Variants in MASP1 observed in about 807,000 individuals in gnomAD.
MASP1 encodes MBL associated serine protease 1.
MASP1 carries 59 observed loss-of-function variants against 77.1 expected under a neutral mutation model. The observed-to-expected ratio is 0.77, with a 90% CI of 0.62 to 0.95. The LOEUF is 0.95. Ranked by LOEUF, MASP1 falls within the 40% of genes least tolerant of loss-of-function variation. The pLI is 0.00. For synonymous variants in MASP1, 362 were observed against 354.5 expected, an observed-to-expected ratio of 1.02 and a Z score of -0.24; for missense variants, 885 against 912.9, an observed-to-expected ratio of 0.97 and a Z score of 0.39.
intron 5 of MASP1, among the ~76,000 whole-genome samples, chr3:187,254,327 C>T (rs1714886524): frequency 6.6e-6 from 1 of 152,072 alleles, no homozygotes; most frequent in Non-Finnish European, 1.5e-5. Context: ...AGGCCTTTCT[C>T]TGAGGTAGCA....
Position 187,285,774 on chromosome 3 carries a change from C to T in MASP1, c.237+51G>A, listed in dbSNP as rs906658220. 2.1e-6 allele frequency: 3 copies of T among 1,441,110 alleles called. No homozygotes were observed. In the Admixed American group the frequency reaches 5.0e-5, roughly 24 times the overall value. The allele number at this position is 1,441,110 out of a possible 1,614,324, so 89.3% of individuals were successfully genotyped here. On this transcript the variant is annotated intron_variant, in intron 2 of 10. Transcript: ENST00000296280. ...AGGGTCTAATTTCATATTGCCTTGT[C>T]TAAATCCCAGAAGAGAGCCTGGCCC...
chr3:187,225,463 G>C, exon 13 of MASP1: 1 of 1,614,128 alleles, frequency 6.2e-7, no homozygotes, highest in Middle Eastern at 1.6e-4. Flanking sequence ...TGTGTTTGAC[G>C]CCGAGATGCT....
chr3:187,244,120 A>C lies in MASP1; in HGVS notation c.1091-499T>G, dbSNP rs73886121. ...CACATTGGAGTTTGGCACAAAAAAT[A>C]AAAAAACCCAGCTCCTGTATGAGTA... On this transcript the variant is annotated intron_variant, in intron 8 of 10. Transcript: ENST00000296280. The C allele has an allele frequency of 4.4e-3, 793 of 179,392 alleles. 6 individuals carry two copies. The highest frequency in any genetic ancestry group is 0.017 in the African/African-American group (719 of 42,470). The allele number at this position is 179,392 out of a possible 1,614,324, so 11.1% of individuals were successfully genotyped here.
chr3:187,230,147 C>A (rs1360520005), downstream of MASP1, among the ~76,000 whole-genome samples: 2 of 152,240 alleles, frequency 1.3e-5, no homozygotes, highest in East Asian at 3.9e-4. Flanking sequence ...CTGATCAAAG[C>A]CATGCACTTT....
chr3:187,247,279 G>A (rs559778241), intron 8 of MASP1: 2 of 1,613,912 alleles, frequency 1.2e-6, no homozygotes, highest in South Asian at 1.1e-5. Flanking sequence ...TGGGCCCCAG[G>A]GGTCTTGGGA....
chr3:187,256,753 C>T lies in MASP1; in HGVS notation c.655G>A (p.Glu219Lys), dbSNP rs1715116441. ...TGCAGGTTGACCATGAAACCCTCCT[C>T]CAGCTCGATGGTATACAGGCATTCA... ...SSECLYTIELEEGFMVNLQFE... is the reference protein window; with the variant it reads ...SSECLYTIELKEGFMVNLQFE... The change falls in exon 5 of 11, where the codon GAG becomes AAG. Residue 219 changes from glutamate (E) to lysine (K), a missense_variant. Coordinates refer to ENST00000296280, the MANE Select transcript of MASP1 (RefSeq NM_139125.4). The T allele has an allele frequency of 6.2e-7, 1 of 1,613,996 alleles. No individual in the cohort carries two copies. Among genetic ancestry groups the T allele is most frequent in the Admixed American group, 1.7e-5 (1 of 60,010 alleles).
At chr3:187,262,389 A>T (rs1269675468) in intron 3 of MASP1, among the ~76,000 whole-genome samples, 154 bp downstream of exon 3, 3 of 152,244 alleles carry the variant, frequency 2.0e-5, no homozygotes, top group Non-Finnish European at 4.4e-5. Context: ...AGATAGATGG[A>T]TAGATACGTG....
In MASP1 at chr3:187,286,037, C is replaced by T; in HGVS notation, c.25G>A (p.Ala9Thr). The change falls in exon 2 of 11, where the codon GCT (alanine) becomes ACT (threonine). Residue 9 changes from alanine to threonine, a missense_variant. Ala to Thr is a moderately conservative substitution (Grantham distance 58). Coordinates refer to ENST00000296280, the MANE Select transcript of MASP1 (RefSeq NM_139125.4). MRWLLLYY[A>T]LCFSLSKASA... Reference sequence around the variant, plus strand: ...GCCTTTGACAGGGAGAAGCACAGAGCATAATAGAGAAGCAGCCACCTGAAA... The same window carrying T: ...GCCTTTGACAGGGAGAAGCACAGAGTATAATAGAGAAGCAGCCACCTGAAA... 1 of 1,614,104 alleles carries T rather than the reference C, an allele frequency of 6.2e-7. No homozygotes were observed. The highest frequency in any genetic ancestry group is 8.5e-7 in the Non-Finnish European group (1 of 1,179,992).
intron 11 of MASP1, among the ~76,000 whole-genome samples, chr3:187,226,824 G>A (rs541701140): frequency 2.4e-4 from 36 of 152,304 alleles, no homozygotes; most frequent in African/African-American, 8.7e-4. Flanking sequence ...AGCCCAAGGT[G>A]GGTGCACAGA....
rs765059006 is a variant in MASP1, at chr3:187,285,805, G to C, written c.237+20C>G. ...CCCAGAAGAGAGCCTGGCCCAGTTA[G>C]GGGACATCAGGAGTCTCACCTTCAC... is the stretch of plus-strand genomic sequence containing the variant. On this transcript the variant is annotated intron_variant, in intron 2 of 10. Transcript: ENST00000296280. 6.3e-7 allele frequency: 1 copy of C among 1,582,462 alleles called. No homozygotes were observed. The highest frequency in any genetic ancestry group is 1.1e-5 in the South Asian group (1 of 90,388).
chr3:187,277,755 G>A (rs900056809), intron 2 of MASP1, among the ~76,000 whole-genome samples: 16 of 152,130 alleles, frequency 1.1e-4, no homozygotes, highest in East Asian at 5.8e-4. Context: ...GCAATAATCC[G>A]TGCTCTTCCT....
At chr3:187,240,929 C>T (rs768119187) in intron 10 of MASP1, among the ~76,000 whole-genome samples, 4 of 152,220 alleles carry the variant, frequency 2.6e-5, no homozygotes, top group African/African-American at 4.8e-5. Context: ...AGCCACCACG[C>T]TTGGCCTATA....
rs1717805518 is a variant in MASP1, at chr3:187,285,873, C to T, written c.189G>A (p.Met63Ile). 1 of 1,614,154 alleles carries T rather than the reference C, an allele frequency of 6.2e-7. No homozygotes were observed. The highest frequency in any genetic ancestry group is 8.5e-7 in the Non-Finnish European group (1 of 1,180,034). Residue 63 changes from methionine (M) to isoleucine (I), a missense_variant, in exon 2 of 11, where the codon ATG (methionine) becomes ATA (isoleucine). Physicochemically the swap from Met to Ile is conservative, Grantham distance 10. Transcript: ENST00000296280. ...GGTAGGAGGATTCCAAGTTGAAGTG[C>T]ATGAAGTAAAGCTTGATCCGAAACC... ...PDGFRIKLYF[M>I]HFNLESSYLC...
chr3:187,274,767 G>A (rs1235507785), intron 2 of MASP1, among the ~76,000 whole-genome samples: 1 of 152,180 alleles, frequency 6.6e-6, no homozygotes, highest in African/African-American at 2.4e-5. Context: ...ACAGCTGGCA[G>A]GTCCTAAGAG....
At chr3:187,248,616 G>A (rs762725147) in intron 8 of MASP1, among the ~76,000 whole-genome samples, 1 of 152,124 alleles carries the variant, frequency 6.6e-6, no homozygotes, top group Non-Finnish European at 1.5e-5. Flanking sequence ...CCCAGTCACA[G>A]CACTGCACCT....
intron 15 of MASP1, chr3:187,220,929 C>T: frequency 1.1e-6 from 1 of 887,080 alleles, no homozygotes; most frequent in Non-Finnish European, 1.9e-6. Flanking sequence ...CCCCGCGCCC[C>T]CACACTGCCA....
At chr3:187,281,948 C>G (rs555995888) in intron 2 of MASP1, among the ~76,000 whole-genome samples, 1 of 152,064 alleles carries the variant, frequency 6.6e-6, no homozygotes, top group Non-Finnish European at 1.5e-5. Context: ...ATTGGCCAGG[C>G]GATTAGAAAA....
Position 187,220,251 on chromosome 3 carries a change from G to T in MASP1, c.1920C>A (p.Asp640Glu). The change falls in exon 16 of 16, where the codon GAC becomes GAA. Residue 640 changes from aspartate (D) to glutamate (E), a missense_variant. By Grantham distance (45) the Asp-to-Glu change is conservative. Transcript: ENST00000337774. ...GGCCTCCAGAGTCACCCGCACAGGC[G>T]TCCTTTCCCCCTAGGTGAAAAAGAG... The T allele has an allele frequency of 6.2e-7, 1 of 1,613,996 alleles. No individual in the cohort carries two copies. Among genetic ancestry groups the T allele is most frequent in the Non-Finnish European group, 8.5e-7 (1 of 1,179,964 alleles).
downstream of MASP1, among the ~76,000 whole-genome samples, chr3:187,231,415 G>A (rs190640819): frequency 2.0e-5 from 3 of 152,292 alleles, no homozygotes; most frequent in Non-Finnish European, 4.4e-5. Flanking sequence ...CTGAAAAGAC[G>A]AGTTGACACT....
Sources: gnomAD v4.1 joint callset for allele counts (sites outside exome capture counted in the v4.1 genomes callset) on GRCh38, gnomAD v4.1.1 for gene constraint, MANE v1.5 for transcripts, NCBI Gene and HGNC (gene_info 2026-07-23, HGNC 2026-07-21) for gene names.